The following ROBO1 variants were observed in gnomAD, a reference collection of about 807,000 sequenced individuals.
ROBO1 encodes roundabout guidance receptor 1.
ROBO1 carries 149 observed loss-of-function variants against 195.9 expected under a neutral mutation model. The ratio of observed to expected loss-of-function variants is 0.76; its 90% CI spans 0.67 to 0.87. ROBO1 has a LOEUF of 0.87. Ranked by LOEUF, ROBO1 falls within the 40% of genes least tolerant of loss-of-function variation. The pLI is 0.00. For missense variants in ROBO1, 1,933 were observed against 2,068.3 expected (o/e 0.93, Z 1.27); for synonymous variants, 816 against 733.2 (o/e 1.11, Z -1.82).
intron 4 of ROBO1, among the ~76,000 whole-genome samples, chr3:78,790,921 T>TC (rs1156303342): frequency 7.9e-5 from 12 of 152,108 alleles, no homozygotes; most frequent in Non-Finnish European, 1.5e-5. Flanking sequence ...TATAAAGTAG[T>TC]CCCCCCATCA....
intron 3 of ROBO1, among the ~76,000 whole-genome samples, chr3:79,049,698 T>C (rs1441288002): frequency 6.6e-6 from 1 of 152,112 alleles, no homozygotes; most frequent in East Asian, 1.9e-4. Flanking sequence ...ACAGCAGATC[T>C]CTTGGCAGAA....
intron 2 of ROBO1, among the ~76,000 whole-genome samples, chr3:79,299,514 G>C (rs1375484535): frequency 1.3e-5 from 2 of 152,048 alleles, no homozygotes; most frequent in Admixed American, 1.3e-4. Flanking sequence ...TGCTCTTGCA[G>C]ATGTACTAAT....
In ROBO1 at chr3:79,418,060, C is replaced by G. The variant is rs984370269; in HGVS notation, c.88+171764G>C. 7.9e-5 allele frequency among the ~76,000 whole-genome samples: 12 copies of G among 152,058 alleles called. 1 individual carries two copies. Among genetic ancestry groups the G allele is most frequent in the Non-Finnish European group, 1.5e-5 (1 of 68,008 alleles). ...ACATTGTAGAACCTCAAGCAATATA[C>G]AAGTGATTCATTGATATGATATTCA... On this transcript the variant is annotated intron_variant, in intron 2 of 30. Coordinates refer to ENST00000464233, the MANE Select transcript of ROBO1 (RefSeq NM_002941.4).
At chr3:78,718,014 G>A in intron 5 of ROBO1, 131 bp from the exon 6 acceptor site, 1 of 834,390 alleles carries the variant, frequency 1.2e-6, no homozygotes, top group Non-Finnish European at 1.8e-6. Context: ...CAGCTGATAT[G>A]TAGTATTTGC....
chr3:79,015,688 T>C (rs2077914315), intron 3 of ROBO1, among the ~76,000 whole-genome samples: 1 of 152,092 alleles, frequency 6.6e-6, no homozygotes, highest in Non-Finnish European at 1.5e-5. Flanking sequence ...AAAAATGAAT[T>C]TCTGAAGGAA....
intron 1 of ROBO1, among the ~76,000 whole-genome samples, chr3:79,688,542 C>G (rs1947203954): frequency 6.6e-6 from 1 of 152,064 alleles, no homozygotes; most frequent in Non-Finnish European, 1.5e-5. Context: ...TGAAGTCCTT[C>G]TTCCACCATT....
At chr3:78,607,194 A>G in intron 28 of ROBO1, 153 bp from the exon 29 acceptor site, 1 of 681,670 alleles carries the variant, frequency 1.5e-6, no homozygotes, top group South Asian at 2.2e-5. Context: ...AATACCCACA[A>G]TTTTTTAAAA....
intron 2 of ROBO1, among the ~76,000 whole-genome samples, chr3:79,171,317 T>A (rs1366916983): frequency 6.6e-6 from 1 of 150,868 alleles, no homozygotes; most frequent in Non-Finnish European, 1.5e-5. Flanking sequence ...CTAGAAACAC[T>A]ATGCAGGAGT....
intron 2 of ROBO1, among the ~76,000 whole-genome samples, chr3:79,441,162 T>G (rs2039042592): frequency 1.3e-5 from 2 of 152,088 alleles, no homozygotes; most frequent in Non-Finnish European, 2.9e-5. Flanking sequence ...ACATTTAGAG[T>G]ATATTACATT....
chr3:78,757,544 G>A (rs547386690), intron 4 of ROBO1, among the ~76,000 whole-genome samples: 5 of 151,988 alleles, frequency 3.3e-5, no homozygotes, highest in South Asian at 2.1e-4. Context: ...CAAATTTTAC[G>A]GAGCAGGGGT....
At chr3:79,606,371 G>A (rs1159960590) in intron 1 of ROBO1, among the ~76,000 whole-genome samples, 1 of 151,968 alleles carries the variant, frequency 6.6e-6, no homozygotes, top group Non-Finnish European at 1.5e-5. Flanking sequence ...GATTGATAAT[G>A]AATGACCCTC....
At chr3:78,805,194 G>A (rs560769346) in intron 4 of ROBO1, among the ~76,000 whole-genome samples, 1 of 152,036 alleles carries the variant, frequency 6.6e-6, no homozygotes, top group African/African-American at 2.4e-5. Context: ...GCACTACTAG[G>A]GTTTTCTGTG....
intron 4 of ROBO1, among the ~76,000 whole-genome samples, chr3:78,879,564 T>C (rs528838654): frequency 3.3e-5 from 5 of 151,984 alleles, no homozygotes; most frequent in African/African-American, 1.2e-4. Flanking sequence ...CTGTGTATGA[T>C]AGCCTAATTA....
At chr3:78,779,559 G>A (rs1422517066) in intron 4 of ROBO1, among the ~76,000 whole-genome samples, 2 of 152,110 alleles carry the variant, frequency 1.3e-5, no homozygotes, top group Non-Finnish European at 2.9e-5. Flanking sequence ...ATAATGAGAT[G>A]CCATCTCACG....
intron 2 of ROBO1, among the ~76,000 whole-genome samples, chr3:79,367,693 G>A (rs1204683276): frequency 6.6e-6 from 1 of 152,114 alleles, no homozygotes; most frequent in African/African-American, 2.4e-5. Flanking sequence ...CACATAGAAA[G>A]TACATATTAC....
At chr3:79,426,728 A>G (rs1389279072) in intron 2 of ROBO1, among the ~76,000 whole-genome samples, 2 of 152,128 alleles carry the variant, frequency 1.3e-5, no homozygotes, top group African/African-American at 4.8e-5. Context: ...AACTAGTTTC[A>G]CTGTTTTTTT....
At chr3:79,740,531 CA>C (rs1485292416) in intron 1 of ROBO1, among the ~76,000 whole-genome samples, 1 of 152,032 alleles carries the variant, frequency 6.6e-6, no homozygotes, top group African/African-American at 2.4e-5. Flanking sequence ...ACAATCATGA[CA>C]AAAGGTACCT....
intron 2 of ROBO1, among the ~76,000 whole-genome samples, chr3:79,197,154 A>C (rs1218032841): frequency 6.6e-6 from 1 of 151,752 alleles, no homozygotes; most frequent in Non-Finnish European, 1.5e-5. Flanking sequence ...CTCATCATTT[A>C]CCTTAGGTAT....
chr3:78,647,569 A>G, intron 20 of ROBO1, 60 bp downstream of exon 20: 3 of 1,479,164 alleles, frequency 2.0e-6, no homozygotes, highest in Admixed American at 1.7e-5. Flanking sequence ...ACAGAAACAC[A>G]ATAGTGGAAC....
Sources: gnomAD v4.1 joint callset for allele counts (sites outside exome capture counted in the v4.1 genomes callset) on GRCh38, gnomAD v4.1.1 for gene constraint, MANE v1.5 for transcripts, NCBI Gene and HGNC (gene_info 2026-07-23, HGNC 2026-07-21) for gene names.